PAPLN: variants seen among roughly 807,000 people sequenced by gnomAD.
PAPLN encodes papilin.
In PAPLN, 146 loss-of-function variants were observed where a neutral mutation model predicts 159.0. That is an observed-to-expected ratio of 0.92 (90% CI 0.80 to 1.05). PAPLN has a LOEUF of 1.05. Ranked by LOEUF, PAPLN falls within the 50% of genes least tolerant of loss-of-function variation. PAPLN has a pLI of 0.00. For missense variants in PAPLN, 1,720 were observed against 1,743.9 expected, an observed-to-expected ratio of 0.99 and a Z score of 0.24; for synonymous variants, 734 against 702.9, an observed-to-expected ratio of 1.04 and a Z score of -0.70.
At chr14:73,264,423 C>A (rs1194763548) in intron 21 of PAPLN, 88 bp downstream of exon 21, 1 of 1,552,804 alleles carries the variant, frequency 6.4e-7, no homozygotes, top group African/African-American at 1.4e-5. Context: ...GGCTGCCTCA[C>A]GCTAGAGGGG....
At chr14:73,255,667 T>TG (rs1304670099) in intron 14 of PAPLN, among the ~76,000 whole-genome samples, 3 of 135,474 alleles carry the variant, frequency 2.2e-5, no homozygotes, top group African/African-American at 8.2e-5. Flanking sequence ...GAGCTGGGGA[T>TG]GGGGGTGGGT....
rs1344051704 is a variant in PAPLN, at chr14:73,263,625, C to T, written c.2724-20C>T. ...CTGGCGCTCATGCCAGTCAGCAGAT[C>T]TCACTTCCCACCTCTCCAGGATTAG... On this transcript the variant is annotated intron_variant, in intron 19 of 26. Transcript: ENST00000644200. The T allele has an allele frequency of 2.5e-6, 4 of 1,613,396 alleles. No homozygotes were observed. The highest frequency in any genetic ancestry group is 2.5e-6 in the Non-Finnish European group (3 of 1,179,986).
At position 73,247,502 on chromosome 14, in the gene PAPLN, G is replaced by C. The variant is rs548826441; in HGVS notation, c.334+1327G>C. On this transcript the variant is annotated intron_variant, in intron 5 of 26. Coordinates refer to ENST00000644200, the MANE Select transcript of PAPLN (RefSeq NM_001365906.3). ...CGTGGCTGTGGGCATGGCCCAGTGGGAGTCTCATATCCTGTGTATGTGTGT... is the reference window on the plus strand; with the variant it reads ...CGTGGCTGTGGGCATGGCCCAGTGGCAGTCTCATATCCTGTGTATGTGTGT... Among the ~76,000 whole-genome samples, 18 of 151,422 alleles carry C rather than the reference G, an allele frequency of 1.2e-4. No homozygotes were observed. In the South Asian group the frequency reaches 3.8e-3, roughly 32 times the overall value.
In PAPLN at chr14:73,265,444, C is replaced by T; in HGVS notation, c.3200C>T (p.Ala1067Val). 1.2e-6 allele frequency: 2 copies of T among 1,613,466 alleles called. No individual in the cohort carries two copies. Among genetic ancestry groups the T allele is most frequent in the Non-Finnish European group, 1.7e-6 (2 of 1,180,012 alleles). Residue 1067 changes from alanine (A) to valine (V), a missense_variant, in exon 23 of 27, where the codon GCC becomes GTC. Ala to Val is a moderately conservative substitution (Grantham distance 64). Transcript: ENST00000644200. This position sits in a 1 kb window ranked among gnomAD's most constrained non-coding sequence, Gnocchi z 4.1. ...PGQRIRMTCR[A>V]EGFPPPAIEW... Reference sequence around the variant, plus strand: ...CAGCGGATCCGGATGACCTGCCGTGCCGAAGGCTTCCCGCCCCCAGCCATC... The same window carrying T: ...CAGCGGATCCGGATGACCTGCCGTGTCGAAGGCTTCCCGCCCCCAGCCATC...
At chr14:73,260,085 G>A (rs1244726378) in intron 16 of PAPLN, among the ~76,000 whole-genome samples, 1 of 152,164 alleles carries the variant, frequency 6.6e-6, no homozygotes, top group Non-Finnish European at 1.5e-5. Flanking sequence ...CAGTAGCCTG[G>A]GGGCAGTTCC....
intron 1 of PAPLN, 123 bp from the exon 2 acceptor site, chr14:73,239,650 G>C (rs1464676113): frequency 1.4e-6 from 2 of 1,457,226 alleles, no homozygotes; most frequent in Non-Finnish European, 1.8e-6. Context: ...GCACCCGGCT[G>C]TCCTGTTGCG....
chr14:73,265,496 C>CT lies in PAPLN; in HGVS notation c.3253dup (p.Ser1085PhefsTer10), dbSNP rs1232703134. 1.9e-6 allele frequency: 3 copies of CT among 1,613,856 alleles called. No homozygotes were observed. In the Admixed American group the frequency reaches 5.0e-5, roughly 27 times the overall value. On this transcript the variant is annotated frameshift_variant, in exon 23 of 27. Coordinates refer to ENST00000644200, the MANE Select transcript of PAPLN (RefSeq NM_001365906.3). LOFTEE classifies it high-confidence loss of function. The surrounding 1 kb of genome is among the most constrained non-coding windows in gnomAD (Gnocchi z 4.1). ...AGTGGCAGAGAGATGGGCAGCCTGT[C>CT]TCTTCTCCCAGGTTTATTTGACTCC...
intron 2 of PAPLN, among the ~76,000 whole-genome samples, chr14:73,240,811 A>AG (rs1220771570): frequency 6.6e-6 from 1 of 152,016 alleles, no homozygotes; most frequent in African/African-American, 2.4e-5. Flanking sequence ...TTTGGGGAGG[A>AG]GGGGGTCTGC....
intron 1 of PAPLN, chr14:73,239,488 T>A: frequency 4.5e-6 from 2 of 441,904 alleles, no homozygotes; most frequent in South Asian, 4.3e-5. Flanking sequence ...AGAAGTATTT[T>A]TAATTGCTCT....
Position 73,258,016 on chromosome 14 carries a change from C to T in PAPLN, c.1628-963C>T, listed in dbSNP as rs535280521. 3.9e-5 allele frequency among the ~76,000 whole-genome samples: 6 copies of T among 152,202 alleles called. No homozygotes were observed. In the South Asian group the frequency reaches 8.3e-4, roughly 21 times the overall value. On this transcript the variant is annotated intron_variant, in intron 14 of 26. Transcript: ENST00000644200. ...CTGACCTCAAGTGATCCTCCTGCCT[C>T]GGCCTCCCAAAGTGCTGGGATTGCG...
intron 14 of PAPLN, 83 bp downstream of exon 14, chr14:73,255,101 G>C: frequency 1.3e-6 from 2 of 1,511,348 alleles, no homozygotes; most frequent in Non-Finnish European, 1.8e-6. Context: ...TCCTGCCTCG[G>C]GGCCTCTGCC....
At chr14:73,255,068 T>C (rs770958089) in intron 14 of PAPLN, 50 bp downstream of exon 14, 110 of 1,569,478 alleles carry the variant, frequency 7.0e-5, no homozygotes, top group Non-Finnish European at 7.0e-5. Flanking sequence ...TCTCTCCCAC[T>C]CGCTACAAAC....
chr14:73,259,470 G>A lies in PAPLN; in HGVS notation c.1910G>A (p.Cys637Tyr). 1 of 1,609,880 alleles carries A rather than the reference G, an allele frequency of 6.2e-7. No homozygotes were observed. The highest frequency in any genetic ancestry group is 8.5e-7 in the Non-Finnish European group (1 of 1,178,506). ...PHDCRHSPHG[C>Y]CPDGHTASLG... ...GACTGCAGACACAGTCCTCACGGGT[G>A]CTGCCCCGATGGCCACACGGCATCT... is the stretch of plus-strand genomic sequence containing the variant. Residue 637 changes from cysteine (C) to tyrosine (Y), a missense_variant, in exon 16 of 27, where the codon TGC (cysteine) becomes TAC (tyrosine). Coordinates refer to ENST00000644200, the MANE Select transcript of PAPLN (RefSeq NM_001365906.3).
rs543119613 is a variant in PAPLN, at chr14:73,253,143, C to T, written c.1094+368C>T. ...AAGGGCCTGTTGGCATCGGCCATGG[C>T]TTTGTTCGTGCACAAAGGACCTCTT... On this transcript the variant is annotated intron_variant, in intron 11 of 26. Coordinates refer to ENST00000644200, the MANE Select transcript of PAPLN (RefSeq NM_001365906.3). The T allele has an allele frequency of 2.9e-6, 4 of 1,380,968 alleles. No individual in the cohort carries two copies. The African/African-American group carries it at 4.3e-5, about 15-fold the overall frequency. The allele number at this position is 1,380,968 out of a possible 1,614,324, so 85.5% of individuals were successfully genotyped here.
intron 14 of PAPLN, among the ~76,000 whole-genome samples, chr14:73,258,413 T>C (rs990164251): frequency 6.6e-6 from 1 of 152,156 alleles, no homozygotes; most frequent in Non-Finnish European, 1.5e-5. Flanking sequence ...AAGTATGTTC[T>C]GTTTTTTGTT....
intron 25 of PAPLN, 101 bp from the exon 26 acceptor site, chr14:73,268,455 TG>T: frequency 8.1e-7 from 1 of 1,231,568 alleles, no homozygotes; most frequent in Non-Finnish European, 1.1e-6. Flanking sequence ...TCTCAAGGGG[TG>T]GGAACGGTTG....
chr14:73,269,192 T>C (rs1207457121), intron 26 of PAPLN, among the ~76,000 whole-genome samples: 1 of 152,154 alleles, frequency 6.6e-6, no homozygotes, highest in Non-Finnish European at 1.5e-5. Context: ...ATCACCATTT[T>C]ACAAATGAGA....
intron 7 of PAPLN, 130 bp from the exon 8 acceptor site, chr14:73,251,356 C>A: frequency 9.5e-7 from 1 of 1,057,396 alleles, no homozygotes; most frequent in Non-Finnish European, 1.4e-6. Context: ...TTCCCAGCAG[C>A]TCGGCCCTGT....
At chr14:73,251,637 C>T (rs373474165) in intron 8 of PAPLN, 27 bp from the exon 9 acceptor site, 1 of 1,613,406 alleles carries the variant, frequency 6.2e-7, no homozygotes, top group Non-Finnish European at 8.5e-7. Flanking sequence ...CTCCCTCTGG[C>T]TGACTGAGGC....
Sources: allele counts gnomAD v4.1 joint callset (sites outside exome capture counted in the v4.1 genomes callset), GRCh38; gene constraint gnomAD v4.1.1; non-coding constraint Gnocchi (gnomAD v3.1); transcripts MANE v1.5; gene names NCBI Gene and HGNC (gene_info 2026-07-23, HGNC 2026-07-21).